Variants in CFAP43 observed in about 807,000 individuals in gnomAD.
The protein encoded by CFAP43 is cilia- and flagella-associated protein 43.
CFAP43 carries 155 observed loss-of-function variants against 218.9 expected under a neutral mutation model. That is an observed-to-expected ratio of 0.71 (90% CI 0.62 to 0.81). The LOEUF is 0.81. Among genes scored for constraint, CFAP43 ranks in the 30% least tolerant of loss-of-function variants. CFAP43 has a pLI of 0.00. For synonymous variants in CFAP43, 645 were observed against 681.3 expected (o/e 0.95, Z 0.83); for missense variants, 1,778 against 1,954.3 (o/e 0.91, Z 1.70).
At chr10:104,178,782 C>T (rs925510384) in intron 19 of CFAP43, among the ~76,000 whole-genome samples, 4 of 152,014 alleles carry the variant, frequency 2.6e-5, no homozygotes, top group African/African-American at 9.7e-5. Context: ...AATATAAATG[C>T]ATAACTTTGA....
intron 33 of CFAP43, 59 bp downstream of exon 33, chr10:104,142,222 C>T (rs1231863707): frequency 1.6e-5 from 23 of 1,424,220 alleles, no homozygotes; most frequent in Non-Finnish European, 2.1e-5. Context: ...GATAACACAA[C>T]CTGATTTAGC....
intron 17 of CFAP43, among the ~76,000 whole-genome samples, chr10:104,181,730 A>G (rs2089852325): frequency 6.6e-6 from 1 of 152,092 alleles, no homozygotes; most frequent in Non-Finnish European, 1.5e-5. Context: ...TTGTCTTTGC[A>G]TGGTGGTGTT....
At chr10:104,166,750 T>C (rs749688726) in intron 22 of CFAP43, 32 bp from the exon 23 acceptor site, 9 of 1,548,984 alleles carry the variant, frequency 5.8e-6, no homozygotes, top group Middle Eastern at 1.7e-4. Context: ...ACAGAAGTTA[T>C]GCAATAATAA....
At chr10:104,154,784 G>A (rs1193681302) in intron 27 of CFAP43, among the ~76,000 whole-genome samples, 2 of 152,120 alleles carry the variant, frequency 1.3e-5, no homozygotes, top group African/African-American at 4.8e-5. Flanking sequence ...CCCACTGCAG[G>A]TCCTTCTCAC....
chr10:104,161,231 A>AG, intron 26 of CFAP43, 69 bp from the exon 27 acceptor site: 2 of 1,500,040 alleles, frequency 1.3e-6, no homozygotes, highest in Non-Finnish European at 1.8e-6. Context: ...AAAAGCTCAG[A>AG]GTTTTTTTTA....
At chr10:104,229,190 T>C (rs1380565315) in intron 2 of CFAP43, among the ~76,000 whole-genome samples, 1 of 152,194 alleles carries the variant, frequency 6.6e-6, no homozygotes. Flanking sequence ...TTATAAATTA[T>C]AGTGAAGTTC....
At position 104,196,899 on chromosome 10, in the gene CFAP43, C is replaced by A. The variant is rs150897509; in HGVS notation, c.1247G>T (p.Trp416Leu). The stretch of plus-strand genomic sequence containing the variant: ...GCTTACACAAGCACAATCCTCCAGC[C>A]ACCAAACACAAATTTCCCCTGAATA... ...LTYSGEICVW[W>L]LEDCACVSKI... Residue 416 changes from tryptophan (W) to leucine (L), a missense_variant, in exon 10 of 38, where the codon TGG becomes TTG. Transcript: ENST00000357060. 159 of 1,612,936 alleles carry A rather than the reference C, an allele frequency of 9.9e-5. No homozygotes were observed. The highest frequency in any genetic ancestry group is 1.6e-4 in the Middle Eastern group (1 of 6,078).
intron 16 of CFAP43, 33 bp from the exon 17 acceptor site, chr10:104,182,546 T>C (rs569856): frequency 0.42 from 640,949 of 1,533,988 alleles, 137,854 homozygotes; most frequent in African/African-American, 0.68. Context: ...ACAGAGGCTA[T>C]AAAAATCATA....
chr10:104,131,393 C>T lies in CFAP43; in HGVS notation c.4769G>A (p.Ser1590Asn). 1 of 1,613,794 alleles carries T rather than the reference C, an allele frequency of 6.2e-7. No homozygotes were observed. Among genetic ancestry groups the T allele is most frequent in the Non-Finnish European group, 8.5e-7 (1 of 1,179,914 alleles). ...TACCAACTCTTCTCGTAGATTGCAG[C>T]TTAGGGCATAATTTGCTATATCTTT... ...NQKDIANYAL[S>N]CNLREELVAV... The change falls in exon 37 of 38, where the codon AGC becomes AAC. Residue 1590 changes from serine to asparagine, a missense_variant. Ser to Asn is a conservative substitution (Grantham distance 46). Coordinates refer to ENST00000357060, the MANE Select transcript of CFAP43 (RefSeq NM_025145.7).
chr10:104,209,212 T>C (rs1207711239), intron 5 of CFAP43, among the ~76,000 whole-genome samples: 2 of 152,240 alleles, frequency 1.3e-5, no homozygotes, highest in Non-Finnish European at 2.9e-5. Flanking sequence ...CATTAATTAA[T>C]GTTTTAAACA....
rs2091433972 is a variant in CFAP43, at chr10:104,230,915, G to A, written c.66-72C>T. 6.9e-6 allele frequency: 10 copies of A among 1,452,444 alleles called. No homozygotes were observed. The Middle Eastern group carries it at 7.2e-4, about 104-fold the overall frequency. 90.0% of individuals were successfully genotyped at this position (1,452,444 alleles called of 1,614,324 possible). On this transcript the variant is annotated intron_variant, in intron 1 of 37. Transcript: ENST00000357060. The stretch of plus-strand genomic sequence containing the variant: ...TTTTTTTTTTTTAACAAAGCAAAGG[G>A]TCATCAAAATCTTTGAAACATTTCT...
Position 104,130,104 on chromosome 10 carries a change from G to A in CFAP43, c.*35C>T, listed in dbSNP as rs908817078. The stretch of plus-strand genomic sequence containing the variant: ...ACCCAAATGAAATGATTTTTTAAAT[G>A]ATTGATTTGGCCTTGTGTTTTCCTG... On this transcript the variant is annotated 3_prime_UTR_variant, in exon 38 of 38. Coordinates refer to ENST00000357060, the MANE Select transcript of CFAP43 (RefSeq NM_025145.7). 6.5e-7 allele frequency: 1 copy of A among 1,537,576 alleles called. No homozygotes were observed. The highest frequency in any genetic ancestry group is 1.4e-5 in the African/African-American group (1 of 70,982).
At chr10:104,190,135 C>CAAAA (rs59257656) in intron 12 of CFAP43, among the ~76,000 whole-genome samples, 5 of 50,770 alleles carry the variant, frequency 9.8e-5, no homozygotes, top group Admixed American at 2.2e-4. Flanking sequence ...GACTCCATCT[C>CAAAA]AAAAAAAAAA....
intron 10 of CFAP43, among the ~76,000 whole-genome samples, chr10:104,194,840 C>T (rs983813835): frequency 1.9e-4 from 29 of 152,280 alleles, no homozygotes; most frequent in African/African-American, 6.7e-4. Flanking sequence ...CCAAGGAAGT[C>T]CAGCAGCTTG....
rs1038437628 is a variant in CFAP43, at chr10:104,217,325, T to TC, written c.417-2900_417-2899insG. On this transcript the variant is annotated intron_variant, in intron 3 of 37. Transcript: ENST00000357060. ...AGCCTTGCATTTTTTTCTTTCTTTCTTTTTCTTTTCTTTTCTTTCTTTCTT... is the reference window on the plus strand; with the variant it reads ...AGCCTTGCATTTTTTTCTTTCTTTCTCTTTTCTTTTCTTTTCTTTCTTTCTT... Among the ~76,000 whole-genome samples, 20 of 149,432 alleles carry TC rather than the reference T, an allele frequency of 1.3e-4. No homozygotes were observed. The South Asian group carries it at 2.9e-3, about 22-fold the overall frequency.
At chr10:104,149,409 T>C (rs1213392064) in intron 28 of CFAP43, among the ~76,000 whole-genome samples, 1 of 152,206 alleles carries the variant, frequency 6.6e-6, no homozygotes, top group Non-Finnish European at 1.5e-5. Context: ...AAGAGATGCT[T>C]CTCATCATCT....
intron 13 of CFAP43, among the ~76,000 whole-genome samples, chr10:104,187,841 A>C (rs1327095738): frequency 2.0e-5 from 3 of 152,178 alleles, no homozygotes; most frequent in Non-Finnish European, 4.4e-5. Flanking sequence ...ATATTTGCAA[A>C]ACTGCTAACC....
At chr10:104,180,696 C>T (rs1384811679) in intron 17 of CFAP43, among the ~76,000 whole-genome samples, 4 of 152,112 alleles carry the variant, frequency 2.6e-5, no homozygotes, top group Non-Finnish European at 5.9e-5. Context: ...ATGCCCACCT[C>T]GGCCTCCCAA....
intron 31 of CFAP43, among the ~76,000 whole-genome samples, chr10:104,144,957 G>A (rs2134756587): frequency 6.6e-6 from 1 of 152,308 alleles, no homozygotes; most frequent in Non-Finnish European, 1.5e-5. Context: ...AATAAGTTTG[G>A]AAAACGCTGC....
Sources: allele counts gnomAD v4.1 joint callset (sites outside exome capture counted in the v4.1 genomes callset), GRCh38; gene constraint gnomAD v4.1.1; transcripts MANE v1.5; gene names NCBI Gene and HGNC (gene_info 2026-07-23, HGNC 2026-07-21).